TCF7: variants seen among roughly 807,000 people sequenced by gnomAD.
TCF7 encodes T-cell-factor-7.
In TCF7, 19 loss-of-function variants were observed where a neutral mutation model predicts 46.8. The ratio of observed to expected loss-of-function variants is 0.41; its 90% CI spans 0.28 to 0.60. TCF7 has a LOEUF of 0.60. Ranked by LOEUF, TCF7 falls within the 20% of genes least tolerant of loss-of-function variation. The pLI, the probability that TCF7 is intolerant of heterozygous loss-of-function variation, is 0.35. For missense variants in TCF7, 547 were observed against 504.6 expected (o/e 1.08, Z -0.81); for synonymous variants, 245 against 213.4 (o/e 1.15, Z -1.29).
chr5:134,140,875 GC>G, intron 5 of TCF7: 1 of 434,638 alleles, frequency 2.3e-6, no homozygotes, highest in Non-Finnish European at 4.6e-6. Flanking sequence ...AGCCCCTGGC[GC>G]CCCCTACCCC....
intron 3 of TCF7, among the ~76,000 whole-genome samples, chr5:134,122,442 C>T (rs997490761): frequency 6.6e-6 from 1 of 152,216 alleles, no homozygotes; most frequent in Non-Finnish European, 1.5e-5. Context: ...CATACCAGCA[C>T]TGCCACCTCC....
chr5:134,142,304 T>C lies in TCF7; in HGVS notation c.755T>C (p.Leu252Pro). 1.3e-6 allele frequency: 2 copies of C among 1,578,552 alleles called. No homozygotes were observed. Among genetic ancestry groups the C allele is most frequent in the Non-Finnish European group, 1.7e-6 (2 of 1,157,042 alleles). The part of the protein sequence containing the change: ...KQELQPFDRN[L>P]KTQAESKAEK... ...GAGCTGCAGCCCTTCGACCGCAACCTGTGAGTGAAAAGACAATGATGGCAG... is the reference window on the plus strand; with the variant it reads ...GAGCTGCAGCCCTTCGACCGCAACCCGTGAGTGAAAAGACAATGATGGCAG... Residue 252 changes from leucine (L) to proline (P), a missense_variant and splice_region_variant, in exon 6 of 10, where the codon CTG (leucine) becomes CCG (proline). Physicochemically the swap from Leu to Pro is moderately conservative, Grantham distance 98. Coordinates refer to ENST00000342854, the MANE Select transcript of TCF7 (RefSeq NM_003202.5).
intron 5 of TCF7, chr5:134,141,924 G>A (rs1015936600): frequency 1.6e-5 from 6 of 366,390 alleles, no homozygotes; most frequent in African/African-American, 4.1e-5. Flanking sequence ...CGTGAGAAGG[G>A]GACAGATTCA....
chr5:134,140,605 T>G, intron 5 of TCF7: 1 of 343,908 alleles, frequency 2.9e-6, no homozygotes, highest in South Asian at 2.1e-5. Context: ...ACCATTTCCA[T>G]CCCTCAAGCA....
At chr5:134,139,063 G>T in intron 5 of TCF7, 25 bp downstream of exon 5, 1 of 1,612,628 alleles carries the variant, frequency 6.2e-7, no homozygotes, top group Non-Finnish European at 8.5e-7. Context: ...AATGGGAAAG[G>T]GGTACCGTGT....
intron 3 of TCF7, among the ~76,000 whole-genome samples, chr5:134,118,924 G>C (rs1313769960): frequency 6.6e-6 from 1 of 152,168 alleles, no homozygotes. Context: ...TGGGACTACA[G>C]GTATGCACTA....
chr5:134,142,756 C>T lies in TCF7; in HGVS notation c.791C>T (p.Ala264Val). The stretch of plus-strand genomic sequence containing the variant: ...GCAGAGTCCAAGGCAGAGAAGGAGG[C>T]CAAGAAGCCAACCATCAAGAAGCCC... ...TQAESKAEKE[A>V]KKPTIKKPLN... Residue 264 changes from alanine (A) to valine (V), a missense_variant, in exon 7 of 10, where the codon GCC becomes GTC. This residue lies in a region of TCF7 where 425 missense variants were observed against 349.9 expected (regional missense o/e 1.21). Coordinates refer to ENST00000342854, the MANE Select transcript of TCF7 (RefSeq NM_003202.5). 1 of 1,614,104 alleles carries T rather than the reference C, an allele frequency of 6.2e-7. No individual in the cohort carries two copies. The highest frequency in any genetic ancestry group is 1.1e-5 in the South Asian group (1 of 91,072).
At chr5:134,112,607 G>A (rs1580777799), upstream of TCF7, among the ~76,000 whole-genome samples, 1 of 152,138 alleles carries the variant, frequency 6.6e-6, no homozygotes, top group African/African-American at 2.4e-5. Context: ...GAGGGTGGGG[G>A]AGTTAACAGA....
chr5:134,115,888 AC>A lies in TCF7; in HGVS notation c.317-18del, dbSNP rs751899219. On this transcript the variant is annotated intron_variant, in intron 2 of 9. Transcript: ENST00000342854. ...GCCGCTGCCAGGGCTGGTGTGTCTG[AC>A]CCAGCTGTGGTTTTTCCAGGCCTGA... 2.5e-6 allele frequency: 4 copies of A among 1,613,686 alleles called. No homozygotes were observed. Among genetic ancestry groups the A allele is most frequent in the Non-Finnish European group, 3.4e-6 (4 of 1,179,950 alleles).
At chr5:134,117,561 G>A (rs947743118) in intron 3 of TCF7, among the ~76,000 whole-genome samples, 1 of 152,180 alleles carries the variant, frequency 6.6e-6, no homozygotes, top group African/African-American at 2.4e-5. Flanking sequence ...GCTTCCTTTC[G>A]GAGGTCATCT....
chr5:134,144,965 C>A, intron 9 of TCF7: 1 of 1,075,638 alleles, frequency 9.3e-7, no homozygotes, highest in Non-Finnish European at 1.4e-6. Context: ...CCTTTGGCCC[C>A]TCAGCCCACT....
intron 5 of TCF7, chr5:134,141,103 CCA>C: frequency 3.4e-6 from 1 of 290,514 alleles, no homozygotes; most frequent in South Asian, 2.7e-5. Context: ...CAGCAGAGCA[CCA>C]CAGAGGCCAG....
At chr5:134,117,095 G>A (rs1755936688) in intron 3 of TCF7, among the ~76,000 whole-genome samples, 1 of 152,272 alleles carries the variant, frequency 6.6e-6, no homozygotes, top group Admixed American at 6.5e-5. Flanking sequence ...CTTCTTTCCA[G>A]AAGCCTAGGC....
At chr5:134,136,659 C>T (rs1197006211) in intron 3 of TCF7, among the ~76,000 whole-genome samples, 2 of 152,136 alleles carry the variant, frequency 1.3e-5, no homozygotes, top group Admixed American at 6.5e-5. Context: ...AACCAAGTGC[C>T]GAGGGACTGT....
chr5:134,108,603 C>T, the TCF7 span, among the ~76,000 whole-genome samples: 1 of 152,152 alleles, frequency 6.6e-6, no homozygotes, highest in Non-Finnish European at 1.5e-5. Flanking sequence ...CTTGAAGCCC[C>T]ATGCAAGGCA....
intron 2 of TCF7, chr5:134,115,655 A>G (rs1755706797): frequency 1.4e-6 from 2 of 1,431,526 alleles, no homozygotes; most frequent in East Asian, 2.6e-5. Flanking sequence ...CGCCGCCTTC[A>G]GGAGACAGAA....
At chr5:134,139,084 C>T in intron 5 of TCF7, 46 bp downstream of exon 5, 1 of 1,601,900 alleles carries the variant, frequency 6.2e-7, no homozygotes, top group Non-Finnish European at 8.5e-7. Flanking sequence ...GCTGGTCAGA[C>T]CAAGACCTGC....
rs764365909 is a variant in TCF7, at chr5:134,146,395, G to A, written c.*92G>A. The A allele has an allele frequency of 8.6e-5, 127 of 1,480,346 alleles. No homozygotes were observed. Among genetic ancestry groups the A allele is most frequent in the Admixed American group, 2.3e-4 (14 of 59,664 alleles). The allele number at this position is 1,480,346 out of a possible 1,614,324, so 91.7% of individuals were successfully genotyped here. ...AACTGCTTACTAGCCCTGCGGAGCC[G>A]GCACCTACATCCCCAGGTCTCTCCA... is the stretch of plus-strand genomic sequence containing the variant. On this transcript the variant is annotated 3_prime_UTR_variant, in exon 10 of 10. Transcript: ENST00000342854.
At position 134,147,204 on chromosome 5, in the gene TCF7, G is replaced by A. The variant is rs1303446198; in HGVS notation, c.*901G>A. The stretch of plus-strand genomic sequence containing the variant: ...CTTATCAGGCAAATTGGGGAGGGGA[G>A]GGTGTATCTAGCTCTAGTTCAAATT... On this transcript the variant is annotated 3_prime_UTR_variant, in exon 10 of 10. Coordinates refer to ENST00000342854, the MANE Select transcript of TCF7 (RefSeq NM_003202.5). 1 of 152,292 alleles carries A rather than the reference G, an allele frequency of 6.6e-6. No individual in the cohort carries two copies. The highest frequency in any genetic ancestry group is 6.5e-5 in the Admixed American group (1 of 15,272). 9.4% of individuals were successfully genotyped at this position (152,292 alleles called of 1,614,324 possible).
Sources: allele counts gnomAD v4.1 joint callset (sites outside exome capture counted in the v4.1 genomes callset), GRCh38; gene constraint gnomAD v4.1.1; regional missense constraint gnomAD v4.1.1; transcripts MANE v1.5; gene names NCBI Gene and HGNC (gene_info 2026-07-23, HGNC 2026-07-21).